The following KCTD1 variants were observed in gnomAD, a reference collection of about 807,000 sequenced individuals.
The protein encoded by KCTD1 is potassium channel tetramerization domain containing 1, also known as BTB/POZ domain-containing protein KCTD1.
A neutral mutation model predicts 66.0 loss-of-function variants in KCTD1; 24 were observed. The observed-to-expected ratio is 0.36, with a 90% CI of 0.26 to 0.51. The LOEUF is 0.51. KCTD1 is among the 20% of genes least tolerant of loss of function. The pLI is 0.95. For missense variants in KCTD1, 943 were observed against 1,205.2 expected, an observed-to-expected ratio of 0.78 and a Z score of 3.22; for synonymous variants, 511 against 517.2, an observed-to-expected ratio of 0.99 and a Z score of 0.16.
intron 1 of KCTD1, among the ~76,000 whole-genome samples, chr18:26,613,904 C>A (rs1987191302): frequency 6.6e-6 from 1 of 152,202 alleles, no homozygotes. Flanking sequence ...GGCTCACCCC[C>A]TCATTTCATT....
upstream of KCTD1, chr18:26,549,935 T>G: frequency 2.6e-6 from 1 of 383,292 alleles, no homozygotes; most frequent in Non-Finnish European, 3.6e-6. Flanking sequence ...CCTCCCGCTC[T>G]CCCGGCCCAG....
chr18:26,569,832 A>G (rs1018583762), intron 1 of KCTD1, among the ~76,000 whole-genome samples: 2 of 152,176 alleles, frequency 1.3e-5, no homozygotes, highest in African/African-American at 2.4e-5. Flanking sequence ...ACTCCCAAAT[A>G]ATTAGGAATA....
At chr18:26,582,003 C>T (rs915940762) in intron 1 of KCTD1, among the ~76,000 whole-genome samples, 1 of 151,852 alleles carries the variant, frequency 6.6e-6, no homozygotes, top group Admixed American at 6.6e-5. Context: ...CATGCTGCCT[C>T]ATGCCTGTAA....
intron 1 of KCTD1, among the ~76,000 whole-genome samples, chr18:26,653,649 A>G (rs901455397): frequency 6.6e-6 from 1 of 152,236 alleles, no homozygotes; most frequent in Non-Finnish European, 1.5e-5. Context: ...TATTTGTTCA[A>G]TGAATGAATG....
intron 1 of KCTD1, chr18:26,599,332 G>T: frequency 7.4e-7 from 1 of 1,357,180 alleles, no homozygotes; most frequent in South Asian, 1.3e-5. Context: ...GAGAAGCCGG[G>T]AGCGAGCCCA....
At chr18:26,588,482 T>A (rs988719491) in intron 1 of KCTD1, among the ~76,000 whole-genome samples, 5 of 151,958 alleles carry the variant, frequency 3.3e-5, no homozygotes, top group African/African-American at 1.2e-4. Context: ...GAAAATAGAG[T>A]TTGAATGCAG....
chr18:26,567,463 G>A (rs1986006609), intron 1 of KCTD1, among the ~76,000 whole-genome samples: 1 of 149,120 alleles, frequency 6.7e-6, no homozygotes. Context: ...TGTTGTTCTA[G>A]AAATGCTGTT....
At chr18:26,559,820 G>T (rs1985802324) in intron 1 of KCTD1, among the ~76,000 whole-genome samples, 1 of 152,140 alleles carries the variant, frequency 6.6e-6, no homozygotes, top group African/African-American at 2.4e-5. Context: ...GATTCTTTAA[G>T]GCCCAGCTCC....
At chr18:26,631,573 G>C (rs1003484288), upstream of KCTD1, among the ~76,000 whole-genome samples, 5 of 152,128 alleles carry the variant, frequency 3.3e-5, no homozygotes, top group Admixed American at 1.3e-4. Context: ...ATGACTGACG[G>C]TACTTCAACA....
At chr18:26,596,304 G>T (rs2144959814) in intron 1 of KCTD1, among the ~76,000 whole-genome samples, 1 of 152,150 alleles carries the variant, frequency 6.6e-6, no homozygotes, top group South Asian at 2.1e-4. Context: ...TGTGCACAAA[G>T]AAAGGTCATT....
chr18:26,527,492 A>AGGGG (rs147266086), intron 1 of KCTD1, among the ~76,000 whole-genome samples: 1 of 109,438 alleles, frequency 9.1e-6, no homozygotes, highest in African/African-American at 3.3e-5. Flanking sequence ...CAAAAAAAAA[A>AGGGG]GGGGGGGGGG....
chr18:26,614,306 A>G (rs997436075), intron 1 of KCTD1, among the ~76,000 whole-genome samples: 6 of 152,246 alleles, frequency 3.9e-5, no homozygotes, highest in Admixed American at 6.5e-5. Flanking sequence ...GGGAGGAGCT[A>G]TGATGTGAAT....
intron 1 of KCTD1, among the ~76,000 whole-genome samples, chr18:26,601,326 T>TAAAAAAAAAAAAAAAAAAAA (rs61521451): frequency 1.1e-5 from 1 of 93,252 alleles, no homozygotes; most frequent in Non-Finnish European, 2.0e-5. Flanking sequence ...TGTTCATTGG[T>TAAAAAAAAAAAAAAAAAAAA]AAAAAAAAAA....
intron 1 of KCTD1, among the ~76,000 whole-genome samples, chr18:26,639,428 A>G (rs1987790250): frequency 6.6e-6 from 1 of 152,132 alleles, no homozygotes; most frequent in African/African-American, 2.4e-5. Flanking sequence ...AACCTTTTTA[A>G]GCAAGGATGT....
chr18:26,600,635 A>C (rs1986872321), intron 1 of KCTD1, among the ~76,000 whole-genome samples: 1 of 152,012 alleles, frequency 6.6e-6, no homozygotes, highest in Non-Finnish European at 1.5e-5. Flanking sequence ...TCTGATGTTA[A>C]AATGCTGACC....
chr18:26,467,564 C>T (rs1980811028), intron 3 of KCTD1, among the ~76,000 whole-genome samples: 1 of 151,510 alleles, frequency 6.6e-6, no homozygotes, highest in Admixed American at 6.6e-5. Context: ...GCCTGTTATC[C>T]CAGCACTTTG....
chr18:26,461,881 C>T (rs754087804), intron 3 of KCTD1, among the ~76,000 whole-genome samples: 3 of 152,110 alleles, frequency 2.0e-5, no homozygotes, highest in East Asian at 1.9e-4. Flanking sequence ...TTTGGGAGGC[C>T]GAGGCAGGTG....
chr18:26,487,280 G>A (rs1174208529), intron 2 of KCTD1, among the ~76,000 whole-genome samples: 2 of 152,236 alleles, frequency 1.3e-5, no homozygotes, highest in Non-Finnish European at 2.9e-5. Context: ...GTCAAAGGAA[G>A]GAGACAGCCT....
chr18:26,628,784 G>A, intron 1 of KCTD1, among the ~76,000 whole-genome samples: 1 of 152,318 alleles, frequency 6.6e-6, no homozygotes, highest in East Asian at 1.9e-4. Context: ...AGAGCCTGAA[G>A]ATAGAGGCTT....
Sources: allele counts gnomAD v4.1 joint callset (sites outside exome capture counted in the v4.1 genomes callset), GRCh38; gene constraint gnomAD v4.1.1; transcripts MANE v1.5; gene names NCBI Gene and HGNC (gene_info 2026-07-23, HGNC 2026-07-21).